The following EDDM13 variants were observed in gnomAD, a reference collection of about 807,000 sequenced individuals.
EDDM13 encodes epididymal protein 13.
Under a neutral mutation model 17.8 loss-of-function variants are expected in EDDM13, and 24 were observed. The observed-to-expected ratio is 1.35, with a 90% CI of 0.98 to 1.90. EDDM13 has a LOEUF of 1.90. Ranked by LOEUF, EDDM13 falls within the 40% of genes most tolerant of loss-of-function variation. The pLI, the probability that EDDM13 is intolerant of heterozygous loss-of-function variation, is 0.00. For synonymous variants in EDDM13, 31 were observed against 37.5 expected, an observed-to-expected ratio of 0.83 and a Z score of 0.63; for missense variants, 97 against 100.8, an observed-to-expected ratio of 0.96 and a Z score of 0.16.
At chr19:56,281,520 G>A (rs921421098) in intron 2 of EDDM13, among the ~76,000 whole-genome samples, 173 bp from the exon 3 acceptor site, 26 of 151,974 alleles carry the variant, frequency 1.7e-4, no homozygotes, top group East Asian at 1.2e-3. Flanking sequence ...TAAAAATAGC[G>A]TCCCATATAA....
chr19:56,282,535 C>A, intron 4 of EDDM13, 36 bp downstream of exon 4: 1 of 984,896 alleles, frequency 1.0e-6, no homozygotes, highest in African/African-American at 1.7e-5. Flanking sequence ...CCTTTGGGGT[C>A]TGTTTGCCTT....
At chr19:56,273,172 C>G (rs1200289921) in intron 1 of EDDM13, among the ~76,000 whole-genome samples, 1 of 152,192 alleles carries the variant, frequency 6.6e-6, no homozygotes, top group East Asian at 1.9e-4. Context: ...GGAGACACTG[C>G]GTCTGCAAAC....
chr19:56,293,681 G>A (rs1439147478), intron 9 of EDDM13, among the ~76,000 whole-genome samples: 1 of 152,172 alleles, frequency 6.6e-6, no homozygotes. Flanking sequence ...CACTTGGCAG[G>A]ATGATTCCCA....
intron 9 of EDDM13, among the ~76,000 whole-genome samples, chr19:56,291,521 C>T (rs1001456189): frequency 1.3e-5 from 2 of 152,234 alleles, no homozygotes; most frequent in Admixed American, 1.3e-4. Context: ...AGGAAGAAGG[C>T]GTTATTAATT....
At chr19:56,301,664 G>A (rs1035072642) in intron 12 of EDDM13, among the ~76,000 whole-genome samples, 14 of 152,244 alleles carry the variant, frequency 9.2e-5, no homozygotes, top group African/African-American at 3.4e-4. Context: ...TCAAGACGGA[G>A]TCACTCTGGT....
chr19:56,288,641 G>C (rs2039303026), intron 7 of EDDM13, among the ~76,000 whole-genome samples: 1 of 152,188 alleles, frequency 6.6e-6, no homozygotes, highest in Non-Finnish European at 1.5e-5. Flanking sequence ...GCACACAGGA[G>C]ATGCCTCATA....
At chr19:56,307,771 A>C (rs2040793910) in intron 14 of EDDM13, among the ~76,000 whole-genome samples, 1 of 152,246 alleles carries the variant, frequency 6.6e-6, no homozygotes, top group African/African-American at 2.4e-5. Flanking sequence ...GTGAATAAAA[A>C]TTTCAGTCCA....
intron 1 of EDDM13, among the ~76,000 whole-genome samples, chr19:56,273,519 G>A (rs2038013835): frequency 6.6e-6 from 1 of 152,130 alleles, no homozygotes; most frequent in African/African-American, 2.4e-5. Flanking sequence ...ATTCTAGTGT[G>A]GGGATTCGGA....
intron 1 of EDDM13, among the ~76,000 whole-genome samples, chr19:56,274,324 G>A (rs1226167029): frequency 6.6e-6 from 1 of 151,980 alleles, no homozygotes; most frequent in Non-Finnish European, 1.5e-5. Context: ...CATGGTAGTA[G>A]GGGCCTGTAA....
chr19:56,302,219 C>A (rs145406086), intron 13 of EDDM13, 124 bp downstream of exon 13: 694 of 552,658 alleles, frequency 1.3e-3, no homozygotes, highest in Non-Finnish European at 1.7e-3. Context: ...GGTGGGAGAG[C>A]CCTTCTGTAA....
chr19:56,294,211 A>G (rs1194151196), intron 9 of EDDM13, among the ~76,000 whole-genome samples: 1 of 151,970 alleles, frequency 6.6e-6, no homozygotes, highest in Non-Finnish European at 1.5e-5. Flanking sequence ...AATCCCAAAC[A>G]CCTGCCTAAG....
At chr19:56,275,918 C>G (rs1420286583) in intron 1 of EDDM13, among the ~76,000 whole-genome samples, 174 bp from the exon 2 acceptor site, 1 of 152,168 alleles carries the variant, frequency 6.6e-6, no homozygotes, top group Non-Finnish European at 1.5e-5. Flanking sequence ...GATGGATGGG[C>G]TGATAGATGG....
At chr19:56,304,188 C>T (rs1048907147) in intron 13 of EDDM13, among the ~76,000 whole-genome samples, 4 of 152,278 alleles carry the variant, frequency 2.6e-5, no homozygotes, top group South Asian at 2.1e-4. Context: ...GACCAGCCAG[C>T]GCAGGGGACC....
intron 13 of EDDM13, 24 bp downstream of exon 13, chr19:56,302,119 G>A: frequency 1.6e-6 from 2 of 1,230,468 alleles, no homozygotes; most frequent in Non-Finnish European, 2.0e-6. Context: ...AGCACGGAGG[G>A]GAGGAGTGTG....
chr19:56,275,653 G>A (rs2038193129), intron 1 of EDDM13, among the ~76,000 whole-genome samples: 1 of 152,126 alleles, frequency 6.6e-6, no homozygotes, highest in Non-Finnish European at 1.5e-5. Flanking sequence ...ATTCTTTTTT[G>A]AACAGGCTAA....
intron 14 of EDDM13, among the ~76,000 whole-genome samples, chr19:56,309,300 G>A (rs34833657): frequency 0.097 from 14,830 of 152,144 alleles, 788 homozygotes; most frequent in Middle Eastern, 0.13. Context: ...GCTGAGGGGA[G>A]GAAGGAACAA....
chr19:56,308,126 C>T (rs534567958), intron 14 of EDDM13, among the ~76,000 whole-genome samples: 57 of 152,372 alleles, frequency 3.7e-4, no homozygotes, highest in African/African-American at 1.3e-3. Flanking sequence ...CTCCGCCTCC[C>T]GGGTTCAAGC....
chr19:56,276,978 C>A (rs938574524), intron 2 of EDDM13, among the ~76,000 whole-genome samples: 1 of 152,026 alleles, frequency 6.6e-6, no homozygotes, highest in African/African-American at 2.4e-5. Context: ...CAAATAAGCA[C>A]ATAAAAAGAT....
intron 12 of EDDM13, among the ~76,000 whole-genome samples, chr19:56,301,309 T>C (rs1467132097): frequency 6.6e-6 from 1 of 152,102 alleles, no homozygotes; most frequent in Non-Finnish European, 1.5e-5. Context: ...GGAGTGGAGA[T>C]TTCCTGGAGC....
Sources: gnomAD v4.1 joint callset for allele counts (sites outside exome capture counted in the v4.1 genomes callset) on GRCh38, gnomAD v4.1.1 for gene constraint, MANE v1.5 for transcripts, NCBI Gene and HGNC (gene_info 2026-07-23, HGNC 2026-07-21) for gene names.